The following DZANK1 variants were observed in gnomAD, a reference collection of about 807,000 sequenced individuals.
The protein encoded by DZANK1 is double zinc ribbon and ankyrin repeat domains 1, also known as double zinc ribbon and ankyrin repeat-containing protein 1.
In DZANK1, 91 loss-of-function variants were observed where a neutral mutation model predicts 94.5. That is an observed-to-expected ratio of 0.96 (90% CI 0.81 to 1.15). The LOEUF is 1.15. Among genes scored for constraint, DZANK1 ranks in the 50% most tolerant of loss-of-function variants. The pLI, the probability that DZANK1 is intolerant of heterozygous loss-of-function variation, is 0.00. For missense variants in DZANK1, 903 were observed against 916.4 expected, an observed-to-expected ratio of 0.99 and a Z score of 0.19; for synonymous variants, 312 against 325.3, an observed-to-expected ratio of 0.96 and a Z score of 0.44.
At chr20:18,455,429 AGAT>A (rs2059253510) in intron 3 of DZANK1, 68 bp from the exon 4 acceptor site, 2 of 1,079,904 alleles carry the variant, frequency 1.9e-6, no homozygotes, top group East Asian at 5.2e-5. Flanking sequence ...GTGGCTAACA[AGAT>A]GATTTTATTA....
At chr20:18,437,129 C>T (rs4814748) in intron 8 of DZANK1, among the ~76,000 whole-genome samples, 126,051 of 152,122 alleles carry the variant, frequency 0.83, 52,747 homozygotes, top group South Asian at 0.96. Context: ...AGGGCAGATA[C>T]AAATGACTCC....
chr20:18,421,112 G>A (rs938501589), intron 10 of DZANK1: 1 of 155,478 alleles, frequency 6.4e-6, no homozygotes, highest in African/African-American at 2.4e-5. Flanking sequence ...TTCTTAAGGG[G>A]TTCTACAATA....
chr20:18,425,236 T>C (rs1256237550), intron 10 of DZANK1, among the ~76,000 whole-genome samples: 1 of 151,162 alleles, frequency 6.6e-6, no homozygotes, highest in Non-Finnish European at 1.5e-5. Flanking sequence ...ACTCTTAGAC[T>C]GTCCGTGATT....
intron 13 of DZANK1, among the ~76,000 whole-genome samples, chr20:18,408,192 C>T (rs916089342): frequency 6.6e-6 from 1 of 152,040 alleles, no homozygotes; most frequent in Admixed American, 6.6e-5. Flanking sequence ...GGCTCACGCC[C>T]GCTATCCCAG....
intron 7 of DZANK1, among the ~76,000 whole-genome samples, chr20:18,444,175 C>T (rs2058800640): frequency 6.6e-6 from 1 of 152,162 alleles, no homozygotes; most frequent in Non-Finnish European, 1.5e-5. Flanking sequence ...TACTGTGCAC[C>T]GGATTGTCTC....
chr20:18,458,119 G>A (rs2059351461), intron 3 of DZANK1, among the ~76,000 whole-genome samples: 1 of 151,986 alleles, frequency 6.6e-6, no homozygotes, highest in Admixed American at 6.6e-5. Context: ...TGTCTGCTTT[G>A]CCCTTACTGA....
chr20:18,420,575 C>T (rs2057728773), intron 10 of DZANK1: 1 of 230,118 alleles, frequency 4.3e-6, no homozygotes, highest in Admixed American at 4.0e-5. Context: ...ATACTCCCTA[C>T]TGACCACAAA....
intron 8 of DZANK1, among the ~76,000 whole-genome samples, chr20:18,436,328 C>A (rs1488007372): frequency 6.6e-6 from 1 of 150,498 alleles, no homozygotes; most frequent in Non-Finnish European, 1.5e-5. Context: ...CCTGTAGTCC[C>A]AGCTACTTGG....
intron 3 of DZANK1, among the ~76,000 whole-genome samples, chr20:18,456,760 A>T (rs1482177639): frequency 1.3e-5 from 2 of 152,064 alleles, no homozygotes; most frequent in Non-Finnish European, 2.9e-5. Flanking sequence ...GTTATTGTTG[A>T]GTAGTATTCC....
chr20:18,446,270 GAAGGA>G (rs1568996231), intron 7 of DZANK1, among the ~76,000 whole-genome samples: 1 of 151,990 alleles, frequency 6.6e-6, no homozygotes, highest in Non-Finnish European at 1.5e-5. Context: ...CGAAAGGAAG[GAAGGA>G]AAGAAGGAAG....
At chr20:18,392,713 G>A (rs913443338) in intron 17 of DZANK1, among the ~76,000 whole-genome samples, 9 of 152,162 alleles carry the variant, frequency 5.9e-5, no homozygotes, top group African/African-American at 2.2e-4. Flanking sequence ...ACTCTAAAAC[G>A]GTACTGACCA....
exon 21 of DZANK1, chr20:18,384,061 ATTCT>A (rs1286654507): frequency 5.4e-6 from 1 of 183,754 alleles, no homozygotes; most frequent in Non-Finnish European, 1.1e-5. Context: ...AGCTGCACAT[ATTCT>A]TTTTTTTTTT....
At chr20:18,412,503 G>A in intron 13 of DZANK1, 143 bp downstream of exon 13, 1 of 883,452 alleles carries the variant, frequency 1.1e-6, no homozygotes, top group Admixed American at 2.6e-5. Context: ...CCAATACAAA[G>A]AAAATTACTT....
chr20:18,433,067 T>G (rs999671853), intron 9 of DZANK1: 1 of 152,268 alleles, frequency 6.6e-6, no homozygotes, highest in Admixed American at 6.5e-5. Context: ...AGTTTAAATA[T>G]ATGAAGTAAA....
intron 3 of DZANK1, among the ~76,000 whole-genome samples, chr20:18,456,344 G>A (rs925231306): frequency 3.3e-5 from 5 of 152,198 alleles, no homozygotes; most frequent in African/African-American, 1.2e-4. Flanking sequence ...CCGTGCCCAT[G>A]ACTAAAAACT....
chr20:18,423,219 G>GA lies in DZANK1; in HGVS notation c.954+3847dup, dbSNP rs2057878470. Among the ~76,000 whole-genome samples the GA allele has an allele frequency of 1.3e-5, 2 of 152,162 alleles. 1 individual carries two copies. The highest frequency in any genetic ancestry group is 4.1e-4 in the South Asian group (2 of 4,826). Reference sequence around the variant, plus strand: ...AGTAGGCTATACCATCTAGGTTTGTGAAAGTACTGTACATGCCATGATGCT... The same window carrying GA: ...AGTAGGCTATACCATCTAGGTTTGTGAAAAGTACTGTACATGCCATGATGCT... On this transcript the variant is annotated intron_variant, in intron 10 of 20. Transcript: ENST00000262547.
intron 17 of DZANK1, among the ~76,000 whole-genome samples, chr20:18,393,052 C>T (rs1049885286): frequency 6.6e-6 from 1 of 152,150 alleles, no homozygotes; most frequent in Non-Finnish European, 1.5e-5. Context: ...TCGCAGAAAG[C>T]ATAAGATTTG....
chr20:18,408,539 T>C (rs1320509097), intron 13 of DZANK1, among the ~76,000 whole-genome samples: 2 of 152,182 alleles, frequency 1.3e-5, no homozygotes, highest in African/African-American at 4.8e-5. Flanking sequence ...TAACATCCAA[T>C]GGACCTCCAA....
chr20:18,429,406 T>C (rs867648556), intron 9 of DZANK1, among the ~76,000 whole-genome samples: 1 of 152,226 alleles, frequency 6.6e-6, no homozygotes, highest in African/African-American at 2.4e-5. Context: ...CCTGTTTTTT[T>C]AAATTTTAAT....
Sources: gnomAD v4.1 joint callset for allele counts (sites outside exome capture counted in the v4.1 genomes callset) on GRCh38, gnomAD v4.1.1 for gene constraint, MANE v1.5 for transcripts, NCBI Gene and HGNC (gene_info 2026-07-23, HGNC 2026-07-21) for gene names.